The following NXPE2 variants were observed in gnomAD, a reference collection of about 807,000 sequenced individuals.
NXPE2 encodes neurexophilin and PC-esterase domain family member 2.
NXPE2 carries 34 observed loss-of-function variants against 34.4 expected under a neutral mutation model. The observed-to-expected ratio is 0.99, with a 90% confidence interval of 0.75 to 1.31. NXPE2 has a LOEUF of 1.31. Ranked by LOEUF, NXPE2 falls within the 40% of genes most tolerant of loss-of-function variation. The probability of loss-of-function intolerance (pLI) is 0.00; values close to 1 mark genes in which losing one functional copy is unlikely to be tolerated. For missense variants in NXPE2, 649 were observed against 672.5 expected (o/e 0.97, Z 0.39); for synonymous variants, 235 against 231.3 (o/e 1.02, Z -0.15).
the NXPE2 span, among the ~76,000 whole-genome samples, chr11:114,498,936 T>C: frequency 6.6e-6 from 1 of 152,116 alleles, no homozygotes; most frequent in Non-Finnish European, 1.5e-5. Context: ...TTTTCTCTGC[T>C]CTGGAACAAT....
At chr11:114,575,517 A>T in the NXPE2 span, among the ~76,000 whole-genome samples, 1 of 152,128 alleles carries the variant, frequency 6.6e-6, no homozygotes, top group Non-Finnish European at 1.5e-5. Flanking sequence ...ATTAATATAC[A>T]CAAATCAGTA....
At chr11:114,545,288 T>C in the NXPE2 span, among the ~76,000 whole-genome samples, 1 of 152,256 alleles carries the variant, frequency 6.6e-6, no homozygotes, top group South Asian at 2.1e-4. Context: ...GCTTTGATCA[T>C]AGTTGCCCAA....
At chr11:114,466,189 A>G in the NXPE2 span, among the ~76,000 whole-genome samples, 2 of 152,342 alleles carry the variant, frequency 1.3e-5, no homozygotes, top group Non-Finnish European at 2.9e-5. Context: ...AAAAAAGAAA[A>G]TGTACTTAGA....
At chr11:114,758,104 T>C in the NXPE2 span, among the ~76,000 whole-genome samples, 19 of 152,218 alleles carry the variant, frequency 1.2e-4, no homozygotes, top group African/African-American at 4.1e-4. Context: ...TATGGAGAAA[T>C]GGAAATATTT....
the NXPE2 span, among the ~76,000 whole-genome samples, chr11:114,608,262 C>T: frequency 6.6e-6 from 1 of 151,628 alleles, no homozygotes; most frequent in Non-Finnish European, 1.5e-5. Context: ...AAAGTTTTGC[C>T]TTGTGGGTAA....
the NXPE2 span, among the ~76,000 whole-genome samples, chr11:114,495,042 C>T: frequency 6.6e-6 from 1 of 152,270 alleles, no homozygotes; most frequent in East Asian, 1.9e-4. Flanking sequence ...TTGTTCTCTT[C>T]CTTTACTTTC....
chr11:114,717,170 C>A, the NXPE2 span, among the ~76,000 whole-genome samples: 1 of 152,144 alleles, frequency 6.6e-6, no homozygotes, highest in Non-Finnish European at 1.5e-5. Context: ...TTTAACTCTT[C>A]TTGGCTCCAC....
chr11:114,713,820 T>C, the NXPE2 span, among the ~76,000 whole-genome samples: 2 of 152,218 alleles, frequency 1.3e-5, no homozygotes, highest in Non-Finnish European at 2.9e-5. Context: ...GCTGCTCTCA[T>C]AGGAGTAATC....
chr11:114,647,954 C>A, the NXPE2 span, among the ~76,000 whole-genome samples: 1 of 152,260 alleles, frequency 6.6e-6, no homozygotes, highest in Admixed American at 6.5e-5. Flanking sequence ...CCTGCCTTGG[C>A]CTCCCAAAGT....
chr11:114,600,791 T>C, the NXPE2 span, among the ~76,000 whole-genome samples: 1 of 152,084 alleles, frequency 6.6e-6, no homozygotes, highest in Non-Finnish European at 1.5e-5. Context: ...TTGATTATTA[T>C]GCAAGATGTT....
the NXPE2 span, among the ~76,000 whole-genome samples, chr11:114,464,541 C>CA: frequency 6.6e-6 from 1 of 151,704 alleles, no homozygotes; most frequent in Non-Finnish European, 1.5e-5. Flanking sequence ...AATCTGCATA[C>CA]AAAAATCAGT....
downstream of NXPE2, among the ~76,000 whole-genome samples, chr11:114,707,903 G>T (rs1620705): frequency 6.6e-6 from 1 of 151,946 alleles, no homozygotes; most frequent in Non-Finnish European, 1.5e-5. Flanking sequence ...ATAATATTCC[G>T]TTGTAAGTAT....
At chr11:114,772,604 A>T in the NXPE2 span, among the ~76,000 whole-genome samples, 1 of 152,062 alleles carries the variant, frequency 6.6e-6, no homozygotes, top group Non-Finnish European at 1.5e-5. Context: ...CTTTATTAGG[A>T]CACTATTCAG....
the NXPE2 span, among the ~76,000 whole-genome samples, chr11:114,747,719 C>A: frequency 1.3e-5 from 2 of 152,154 alleles, no homozygotes; most frequent in African/African-American, 4.8e-5. Context: ...CAATCACCTG[C>A]CACCAGGTCC....
chr11:114,639,955 TG>T, the NXPE2 span, among the ~76,000 whole-genome samples: 1 of 101,880 alleles, frequency 9.8e-6, no homozygotes, highest in African/African-American at 3.6e-5. Context: ...CATAATAGTT[TG>T]TATTAAATAT....
the NXPE2 span, among the ~76,000 whole-genome samples, chr11:114,809,233 T>C: frequency 6.6e-6 from 1 of 151,860 alleles, no homozygotes; most frequent in Non-Finnish European, 1.5e-5. Flanking sequence ...CCACAACCAA[T>C]ATCATACTGA....
At chr11:114,558,311 C>T in the NXPE2 span, among the ~76,000 whole-genome samples, 6 of 151,940 alleles carry the variant, frequency 3.9e-5, no homozygotes, top group African/African-American at 1.5e-4. Context: ...AATGCAAGTG[C>T]TTTATTTTAA....
the NXPE2 span, among the ~76,000 whole-genome samples, chr11:114,763,604 T>G: frequency 2.6e-5 from 4 of 152,326 alleles, no homozygotes; most frequent in African/African-American, 9.6e-5. Flanking sequence ...TCTCAAGCAT[T>G]CATATCTTAA....
chr11:114,709,841 G>T (rs1029831102), downstream of NXPE2, among the ~76,000 whole-genome samples: 9 of 151,858 alleles, frequency 5.9e-5, no homozygotes, highest in Admixed American at 2.0e-4. Context: ...GGCGGAGGTT[G>T]CAGTGAGCCA....
Sources: gnomAD v4.1 joint callset for allele counts (sites outside exome capture counted in the v4.1 genomes callset) on GRCh38, gnomAD v4.1.1 for gene constraint, MANE v1.5 for transcripts, NCBI Gene and HGNC (gene_info 2026-07-23, HGNC 2026-07-21) for gene names.